PTPRN2: variants seen among roughly 807,000 people sequenced by gnomAD.
PTPRN2 encodes the protein protein tyrosine phosphatase receptor type N2, also known as receptor-type tyrosine-protein phosphatase N2.
Under a neutral mutation model 118.8 loss-of-function variants are expected in PTPRN2, and 74 were observed. The ratio of observed to expected loss-of-function variants is 0.62; its 90% CI spans 0.52 to 0.76. PTPRN2 has a LOEUF of 0.76. PTPRN2 is among the 30% of genes least tolerant of loss of function. PTPRN2 has a pLI of 0.00. For missense variants in PTPRN2, 1,481 were observed against 1,394.4 expected (o/e 1.06, Z -0.99); for synonymous variants, 641 against 608.0 (o/e 1.05, Z -0.80).
chr7:157,973,395 G>C (rs1206280952), intron 11 of PTPRN2, among the ~76,000 whole-genome samples: 1 of 152,136 alleles, frequency 6.6e-6, no homozygotes, highest in Non-Finnish European at 1.5e-5. Flanking sequence ...ACAGGGGGTA[G>C]GCTCTTCAAT....
intron 9 of PTPRN2, among the ~76,000 whole-genome samples, chr7:158,124,369 C>A (rs1054499484): frequency 6.6e-6 from 1 of 152,196 alleles, no homozygotes; most frequent in African/African-American, 2.4e-5. Flanking sequence ...CAGGCCCCCA[C>A]GTTAGTGGAC....
intron 16 of PTPRN2, among the ~76,000 whole-genome samples, chr7:157,597,191 G>T (rs977215769): frequency 6.6e-6 from 1 of 152,230 alleles, no homozygotes; most frequent in African/African-American, 2.4e-5. Flanking sequence ...GGGCTGGGGG[G>T]AAGCAGGGAG....
At chr7:158,040,075 G>GA (rs1024197892) in intron 11 of PTPRN2, among the ~76,000 whole-genome samples, 5 of 105,290 alleles carry the variant, frequency 4.7e-5, no homozygotes, top group African/African-American at 1.4e-4. Flanking sequence ...AAGAGAGAGA[G>GA]AGAAAAAAAA....
At chr7:157,725,283 A>G (rs1226347028) in intron 12 of PTPRN2, among the ~76,000 whole-genome samples, 2 of 132,430 alleles carry the variant, frequency 1.5e-5, no homozygotes, top group Non-Finnish European at 3.1e-5. Context: ...GCCTCCCAGG[A>G]GAACTGGATA....
intron 10 of PTPRN2, among the ~76,000 whole-genome samples, chr7:158,083,429 C>T (rs1203129005): frequency 2.6e-5 from 4 of 152,186 alleles, no homozygotes; most frequent in South Asian, 2.1e-4. Context: ...ACTGTAATCT[C>T]GACCACATCT....
chr7:158,151,497 G>GCCTTTCTATTCCTGCCCCTGCCCACACCA (rs1563522145), intron 6 of PTPRN2, among the ~76,000 whole-genome samples: 1 of 20,014 alleles, frequency 5.0e-5, no homozygotes, highest in Non-Finnish European at 1.3e-4. Context: ...TGCCCACACC[G>GCCTTTCTATTCCTGCCCCTGCCCACACCA]CCCGCCTTTC....
intron 3 of PTPRN2, among the ~76,000 whole-genome samples, chr7:158,233,420 C>A (rs1829296810): frequency 6.6e-6 from 1 of 151,910 alleles, no homozygotes; most frequent in South Asian, 2.1e-4. Context: ...TTGAAGACGA[C>A]ACAAAAAACT....
At position 157,931,057 on chromosome 7, in the gene PTPRN2, C is replaced by T. The variant is rs775912871; in HGVS notation, c.1724-32320G>A. Among the ~76,000 whole-genome samples the T allele has an allele frequency of 2.4e-4, 37 of 152,240 alleles. 1 individual carries two copies. The highest frequency in any genetic ancestry group is 1.4e-3 in the East Asian group (7 of 5,142). The stretch of plus-strand genomic sequence containing the variant: ...ACTCTGAGTCAAGAACTCCTTCTGC[C>T]GCTGCAGGAGCTGCAGCCAGACGAG... On this transcript the variant is annotated intron_variant, in intron 11 of 22. Coordinates refer to ENST00000389418, the MANE Select transcript of PTPRN2 (RefSeq NM_002847.5).
intron 11 of PTPRN2, among the ~76,000 whole-genome samples, chr7:157,962,332 C>T (rs117837841): frequency 1.4e-5 from 2 of 147,302 alleles, no homozygotes; most frequent in Admixed American, 1.3e-4. Context: ...TGTTATTCCA[C>T]CAGCGGGAGC....
intron 1 of PTPRN2, among the ~76,000 whole-genome samples, chr7:158,556,181 G>A (rs1199520090): frequency 2.6e-5 from 4 of 152,204 alleles, no homozygotes; most frequent in Non-Finnish European, 4.4e-5. Flanking sequence ...TTGATAGGTG[G>A]ATATAGATGA....
rs371390121 is a variant in PTPRN2 at position 157,583,841 on chromosome 7, C to A, written c.2497-5701G>T. Reference sequence around the variant, plus strand: ...AGGTTGCAGTGAGCTGAGATCATGCCACTGCACGCCAGCCTGGGTGACAGA... The same window carrying A: ...AGGTTGCAGTGAGCTGAGATCATGCAACTGCACGCCAGCCTGGGTGACAGA... On this transcript the variant is annotated intron_variant, in intron 17 of 22. Coordinates refer to ENST00000389418, the MANE Select transcript of PTPRN2 (RefSeq NM_002847.5). This position sits in a 1 kb window ranked among gnomAD's most constrained non-coding sequence, Gnocchi z 5.5. Among the ~76,000 whole-genome samples, 7 of 151,552 alleles carry A rather than the reference C, an allele frequency of 4.6e-5. No homozygotes were observed. The South Asian group carries it at 6.3e-4, about 14-fold the overall frequency.
intron 12 of PTPRN2, among the ~76,000 whole-genome samples, chr7:157,796,372 T>G (rs1675458793): frequency 1.3e-5 from 2 of 151,968 alleles, no homozygotes; most frequent in African/African-American, 4.8e-5. Flanking sequence ...CCTTGTGGGC[T>G]CTGAGCTCAT....
chr7:158,086,632 C>T (rs1470448540), intron 10 of PTPRN2, among the ~76,000 whole-genome samples: 1 of 152,198 alleles, frequency 6.6e-6, no homozygotes, highest in Non-Finnish European at 1.5e-5. Flanking sequence ...AAATGTGGCA[C>T]TCAATAGACC....
intron 3 of PTPRN2, among the ~76,000 whole-genome samples, chr7:158,207,959 C>T (rs1827290292): frequency 6.6e-6 from 1 of 152,150 alleles, no homozygotes; most frequent in Admixed American, 6.5e-5. Context: ...TAATTAAAAA[C>T]AATCATGCAA....
At chr7:157,574,311 T>C in intron 19 of PTPRN2, 1 of 499,806 alleles carries the variant, frequency 2.0e-6, no homozygotes, top group Non-Finnish European at 4.3e-6. Context: ...AAAAGGGGCT[T>C]TCCACATCGC....
chr7:158,487,782 G>T (rs776891810), intron 2 of PTPRN2, among the ~76,000 whole-genome samples: 1 of 151,966 alleles, frequency 6.6e-6, no homozygotes, highest in African/African-American at 2.4e-5. Context: ...TTCTCCTATC[G>T]CTCCCCGTCA....
intron 11 of PTPRN2, among the ~76,000 whole-genome samples, chr7:157,952,255 C>G (rs977862306): frequency 7.9e-5 from 12 of 152,204 alleles, no homozygotes; most frequent in South Asian, 2.1e-4. Context: ...CGCAGGACAA[C>G]TTAGGAGGAG....
intron 11 of PTPRN2, among the ~76,000 whole-genome samples, chr7:158,017,698 C>T (rs1189396006): frequency 1.3e-5 from 2 of 152,002 alleles, no homozygotes; most frequent in Non-Finnish European, 2.9e-5. Context: ...ACGTGGGGAC[C>T]CTTGTCAGAG....
chr7:157,594,493 C>T (rs774026091), intron 17 of PTPRN2, among the ~76,000 whole-genome samples: 2 of 152,202 alleles, frequency 1.3e-5, no homozygotes, highest in Non-Finnish European at 2.9e-5. Context: ...TGGATTCTGC[C>T]GCATGGGTGA....
Sources: gnomAD v4.1 joint callset for allele counts (sites outside exome capture counted in the v4.1 genomes callset) on GRCh38, gnomAD v4.1.1 for gene constraint, Gnocchi (gnomAD v3.1) non-coding constraint, MANE v1.5 for transcripts, NCBI Gene and HGNC (gene_info 2026-07-23, HGNC 2026-07-21) for gene names.